NPFFR1: variants seen among roughly 807,000 people sequenced by gnomAD.
The protein encoded by NPFFR1 is neuropeptide FF receptor 1, also known as G-protein coupled receptor 147.
NPFFR1 carries 17 observed loss-of-function variants against 12.7 expected under a neutral mutation model. The ratio of observed to expected loss-of-function variants is 1.34; its 90% CI spans 0.92 to 2.01. NPFFR1 has a LOEUF of 2.01. Ranked by LOEUF, NPFFR1 falls within the 30% of genes most tolerant of loss-of-function variation. NPFFR1 has a pLI of 0.00. For synonymous variants in NPFFR1, 296 were observed against 264.5 expected, an observed-to-expected ratio of 1.12 and a Z score of -1.16; for missense variants, 604 against 606.5, an observed-to-expected ratio of 1.00 and a Z score of 0.04.
Position 70,249,384 on chromosome 10 carries a change from A to G in NPFFR1, c.*5573T>C, listed in dbSNP as rs566226226. 1.4e-5 allele frequency: 2 copies of G among 146,528 alleles called. No individual in the cohort carries two copies. Among genetic ancestry groups the G allele is most frequent in the Non-Finnish European group, 3.0e-5 (2 of 66,036 alleles). 9.1% of individuals were successfully genotyped at this position (146,528 alleles called of 1,614,324 possible). A position where few individuals can be genotyped will look rare whatever the true frequency, so the allele number is the denominator to read the frequency against. On this transcript the variant is annotated 3_prime_UTR_variant, in exon 4 of 4. Transcript: ENST00000277942. ...ATTGCACTCCAGCCTGGGCAACAAAAGCAAGACTCTGTCTCAAAAAAAAAA... is the reference window on the plus strand; with the variant it reads ...ATTGCACTCCAGCCTGGGCAACAAAGGCAAGACTCTGTCTCAAAAAAAAAA...
intron 1 of NPFFR1, among the ~76,000 whole-genome samples, chr10:70,270,611 C>T (rs928959427): frequency 6.6e-6 from 1 of 152,204 alleles, no homozygotes; most frequent in African/African-American, 2.4e-5. Flanking sequence ...CTAGACAGGG[C>T]CCAGATTCCA....
chr10:70,259,277 C>T (rs148061611), intron 3 of NPFFR1, among the ~76,000 whole-genome samples: 357 of 149,792 alleles, frequency 2.4e-3, no homozygotes, highest in African/African-American at 8.5e-3. Flanking sequence ...GAGCAAGACT[C>T]TGTCTCCCCC....
chr10:70,276,091 G>C (rs546736461), intron 1 of NPFFR1, among the ~76,000 whole-genome samples: 5 of 152,260 alleles, frequency 3.3e-5, no homozygotes, highest in African/African-American at 9.6e-5. Flanking sequence ...GGGTCCATTA[G>C]CAGCAATTAG....
At chr10:70,279,456 A>G (rs1564598251) in intron 1 of NPFFR1, among the ~76,000 whole-genome samples, 1 of 140,878 alleles carries the variant, frequency 7.1e-6, no homozygotes, top group East Asian at 2.3e-4. Context: ...CTCAATCTTT[A>G]TTTATTTATT....
At chr10:70,266,966 G>A (rs1014159275) in intron 1 of NPFFR1, among the ~76,000 whole-genome samples, 10 of 152,312 alleles carry the variant, frequency 6.6e-5, no homozygotes, top group African/African-American at 2.4e-4. Flanking sequence ...TGCACTCAAT[G>A]GTAACAGCTT....
At position 70,274,580 on chromosome 10, in the gene NPFFR1, G is replaced by T. The variant is rs148244327; in HGVS notation, c.8-8189C>A. On this transcript the variant is annotated intron_variant, in intron 1 of 3. Coordinates refer to ENST00000277942, the MANE Select transcript of NPFFR1 (RefSeq NM_022146.5). ...AGGTATAGTTAGTTTGGGGTGGCTG[G>T]GAGACTGATGATAGTAGACCCTAAG... Among the ~76,000 whole-genome samples the T allele has an allele frequency of 2.9e-3, 449 of 152,246 alleles. 1 individual carries two copies. The highest frequency in any genetic ancestry group is 5.2e-3 in the Non-Finnish European group (354 of 68,010).
At chr10:70,272,291 A>G (rs1840759276) in intron 1 of NPFFR1, among the ~76,000 whole-genome samples, 1 of 151,724 alleles carries the variant, frequency 6.6e-6, no homozygotes, top group Non-Finnish European at 1.5e-5. Context: ...CCCTAAATGA[A>G]TGAGCTTAAC....
At position 70,266,382 on chromosome 10, in the gene NPFFR1, G is replaced by T; in HGVS notation, c.17C>A (p.Ser6Tyr). 6.2e-7 allele frequency: 1 copy of T among 1,612,302 alleles called. No homozygotes were observed. Among genetic ancestry groups the T allele is most frequent in the Non-Finnish European group, 8.5e-7 (1 of 1,179,012 alleles). The change falls in exon 2 of 4, where the codon TCC (serine) becomes TAC (tyrosine). Residue 6 changes from serine to tyrosine, a missense_variant. Coordinates refer to ENST00000277942, the MANE Select transcript of NPFFR1 (RefSeq NM_022146.5). Reference protein sequence around the residue: MEGEPSQPPNSSWPLS... With the variant: MEGEPYQPPNSSWPLS... ...GGGCCAACTGCTGTTGGGAGGCTGG[G>T]AGGGCTCCCCTAGGACCAAAGGAAT... is the stretch of plus-strand genomic sequence containing the variant.
chr10:70,256,518 G>A (rs1029214462), intron 3 of NPFFR1, among the ~76,000 whole-genome samples: 1 of 152,228 alleles, frequency 6.6e-6, no homozygotes, highest in East Asian at 1.9e-4. Context: ...GAAAACCTCA[G>A]GAGGTCAGAT....
chr10:70,248,489 T>TTTTTTG lies in NPFFR1; in HGVS notation c.*6467_*6468insCAAAAA, dbSNP rs1840477173. The stretch of plus-strand genomic sequence containing the variant: ...GGCGTTTTTTTTTTGTTTTTTGTTT[T>TTTTTTG]TTTTTTTTTTTTTTGAGATGGAGTC... On this transcript the variant is annotated 3_prime_UTR_variant, in exon 4 of 4. Coordinates refer to ENST00000277942, the MANE Select transcript of NPFFR1 (RefSeq NM_022146.5). 2 of 113,850 alleles carry TTTTTTG rather than the reference T, an allele frequency of 1.8e-5. No homozygotes were observed. The highest frequency in any genetic ancestry group is 3.5e-5 in the Non-Finnish European group (2 of 57,102). The allele number at this position is 113,850 out of a possible 1,614,324, so 7.1% of individuals were successfully genotyped here.
chr10:70,266,544 C>A (rs1051152474), intron 1 of NPFFR1, among the ~76,000 whole-genome samples, 153 bp from the exon 2 acceptor site: 17 of 152,202 alleles, frequency 1.1e-4, no homozygotes, highest in African/African-American at 3.9e-4. Context: ...ATGCACTGAT[C>A]CAAGACTTTC....
At chr10:70,271,629 A>G (rs1840743087) in intron 1 of NPFFR1, among the ~76,000 whole-genome samples, 1 of 152,180 alleles carries the variant, frequency 6.6e-6, no homozygotes, top group Non-Finnish European at 1.5e-5. Context: ...CCTTATTGGT[A>G]AAATGGAGAT....
chr10:70,278,317 C>T (rs535968850), intron 1 of NPFFR1, among the ~76,000 whole-genome samples: 4 of 142,430 alleles, frequency 2.8e-5, no homozygotes, highest in South Asian at 2.6e-4. Context: ...CACCCTGCCC[C>T]GTAACTTTCC....
chr10:70,269,101 G>T (rs1009900809), intron 1 of NPFFR1, among the ~76,000 whole-genome samples: 2 of 152,116 alleles, frequency 1.3e-5, no homozygotes, highest in African/African-American at 4.8e-5. Context: ...GCTCCCTCAT[G>T]ATGTCATTTT....
intron 1 of NPFFR1, among the ~76,000 whole-genome samples, chr10:70,277,788 A>G (rs1335043171): frequency 6.6e-6 from 1 of 152,076 alleles, no homozygotes; most frequent in Non-Finnish European, 1.5e-5. Flanking sequence ...AGCAGATCTG[A>G]TTTGCTGCCC....
At chr10:70,260,355 TAAG>T (rs1295449872) in intron 3 of NPFFR1, among the ~76,000 whole-genome samples, 1 of 152,086 alleles carries the variant, frequency 6.6e-6, no homozygotes, top group African/African-American at 2.4e-5. Context: ...GCTCAGGAAA[TAAG>T]GACTGCTCTT....
intron 1 of NPFFR1, among the ~76,000 whole-genome samples, chr10:70,266,927 C>T (rs1840699543): frequency 6.6e-6 from 1 of 152,200 alleles, no homozygotes; most frequent in Non-Finnish European, 1.5e-5. Context: ...TAGCCCTCAC[C>T]TGACTACAGT....
Position 70,249,134 on chromosome 10 carries a change from C to G in NPFFR1, c.*5823G>C, listed in dbSNP as rs1016339947. ...AAATCATTGGTGGAGCATGGTGGCTCGCGCCTGTAATCCCAGCACTTTGGG... is the reference window on the plus strand; with the variant it reads ...AAATCATTGGTGGAGCATGGTGGCTGGCGCCTGTAATCCCAGCACTTTGGG... On this transcript the variant is annotated 3_prime_UTR_variant, in exon 4 of 4. Transcript: ENST00000277942. 6.6e-6 allele frequency: 1 copy of G among 152,172 alleles called. No individual in the cohort carries two copies. Among genetic ancestry groups the G allele is most frequent in the African/African-American group, 2.4e-5 (1 of 41,440 alleles). 9.4% of individuals were successfully genotyped at this position (152,172 alleles called of 1,614,324 possible).
Position 70,252,939 on chromosome 10 carries a change from C to T in NPFFR1, c.*2018G>A, listed in dbSNP as rs1376161671. The T allele has an allele frequency of 6.6e-6, 1 of 152,146 alleles. No individual in the cohort carries two copies. Among genetic ancestry groups the T allele is most frequent in the Non-Finnish European group, 1.5e-5 (1 of 68,056 alleles). The allele number at this position is 152,146 out of a possible 1,614,324, so 9.4% of individuals were successfully genotyped here. On this transcript the variant is annotated 3_prime_UTR_variant, in exon 4 of 4. Coordinates refer to ENST00000277942, the MANE Select transcript of NPFFR1 (RefSeq NM_022146.5). ...GTGTCTTCAGACAATTCCCACCCAG[C>T]CATAGGGATAGGCATTTTGGGTTTG...
Sources: gnomAD v4.1 joint callset for allele counts (sites outside exome capture counted in the v4.1 genomes callset) on GRCh38, gnomAD v4.1.1 for gene constraint, MANE v1.5 for transcripts, NCBI Gene and HGNC (gene_info 2026-07-23, HGNC 2026-07-21) for gene names.